Variants in TENM2 observed in about 807,000 individuals in gnomAD.
TENM2 encodes the protein teneurin-2.
Under a neutral mutation model 245.2 loss-of-function variants are expected in TENM2, and 52 were observed. The ratio of observed to expected loss-of-function variants is 0.21; its 90% CI spans 0.17 to 0.27. TENM2 has a LOEUF of 0.27. TENM2 is among the 10% of genes least tolerant of loss of function. TENM2 has a pLI of 1.00. For missense variants in TENM2, 3,046 were observed against 3,666.8 expected, an observed-to-expected ratio of 0.83 and a Z score of 4.37; for synonymous variants, 1,363 against 1,438.9, an observed-to-expected ratio of 0.95 and a Z score of 1.19.
chr5:167,151,726 C>T, the TENM2 span, among the ~76,000 whole-genome samples: 3 of 152,150 alleles, frequency 2.0e-5, no homozygotes, highest in Non-Finnish European at 4.4e-5. Flanking sequence ...ACCATGTTGG[C>T]CACGACGGTC....
chr5:168,145,035 C>T (rs1477473306), intron 12 of TENM2, among the ~76,000 whole-genome samples: 14 of 151,668 alleles, frequency 9.2e-5, no homozygotes, highest in African/African-American at 2.4e-4. Context: ...TTGTTTGTTT[C>T]TTTCTTGTAA....
At chr5:167,956,668 GT>G (rs1417514452) in intron 4 of TENM2, among the ~76,000 whole-genome samples, 1 of 152,288 alleles carries the variant, frequency 6.6e-6, no homozygotes, top group African/African-American at 2.4e-5. Context: ...TTTATTGAGA[GT>G]TTTTAGCATG....
chr5:168,081,667 T>C (rs923153683), intron 7 of TENM2, among the ~76,000 whole-genome samples: 1 of 152,198 alleles, frequency 6.6e-6, no homozygotes, highest in Non-Finnish European at 1.5e-5. Flanking sequence ...CTGTAAAGGA[T>C]TTTATTTCTT....
At chr5:168,224,490 T>C (rs1389858509) in intron 23 of TENM2, among the ~76,000 whole-genome samples, 1 of 152,208 alleles carries the variant, frequency 6.6e-6, no homozygotes, top group Non-Finnish European at 1.5e-5. Flanking sequence ...CTGAGCCAGG[T>C]CTGCAATTCT....
chr5:167,640,842 C>CATATATATATATATATCCATATATATAT (rs548184593), intron 2 of TENM2, among the ~76,000 whole-genome samples: 1 of 75,488 alleles, frequency 1.3e-5, no homozygotes, highest in African/African-American at 3.9e-5. Flanking sequence ...TATATATATC[C>CATATATATATATATATCCATATATATAT]ATATATATAT....
intron 2 of TENM2, among the ~76,000 whole-genome samples, chr5:167,557,350 A>AT (rs767464255): frequency 2.0e-5 from 3 of 152,220 alleles, no homozygotes; most frequent in Non-Finnish European, 4.4e-5. Context: ...AAAGCAAAAA[A>AT]GCTAAGAGCA....
intron 13 of TENM2, among the ~76,000 whole-genome samples, chr5:168,180,447 C>A (rs770047738): frequency 1.1e-4 from 17 of 152,196 alleles, no homozygotes; most frequent in African/African-American, 3.4e-4. Flanking sequence ...TCAGGGAATG[C>A]GTATTAACAT....
intron 23 of TENM2, among the ~76,000 whole-genome samples, chr5:168,222,182 T>C (rs540399135): frequency 2.6e-5 from 4 of 152,236 alleles, no homozygotes; most frequent in Non-Finnish European, 5.9e-5. Flanking sequence ...AATTGAAGAA[T>C]GCAGCTTGCA....
chr5:167,353,732 C>T (rs1759128355), intron 1 of TENM2, among the ~76,000 whole-genome samples: 1 of 151,724 alleles, frequency 6.6e-6, no homozygotes, highest in African/African-American at 2.4e-5. Flanking sequence ...TGGTCTCGAT[C>T]TCCTGACCTC....
chr5:168,099,537 A>G (rs922238903), intron 9 of TENM2, among the ~76,000 whole-genome samples: 2 of 152,134 alleles, frequency 1.3e-5, no homozygotes, highest in Admixed American at 6.6e-5. Flanking sequence ...AATTATGCAT[A>G]CGATTTTATT....
intron 13 of TENM2, among the ~76,000 whole-genome samples, chr5:168,177,411 A>G (rs1759455906): frequency 6.6e-6 from 1 of 152,252 alleles, no homozygotes; most frequent in Admixed American, 6.5e-5. Context: ...AGGTAAAGTA[A>G]CTAGCCCAAG....
chr5:167,759,078 C>A (rs1282910060), intron 2 of TENM2, among the ~76,000 whole-genome samples: 1 of 149,756 alleles, frequency 6.7e-6, no homozygotes, highest in Non-Finnish European at 1.5e-5. Flanking sequence ...ATCTTGGGTT[C>A]AAATCCCAGT....
rs577490199 is a variant in TENM2, at chr5:167,794,074, A to G, written c.503-81912A>G. Among the ~76,000 whole-genome samples the G allele has an allele frequency of 6.6e-5, 10 of 152,066 alleles. No homozygotes were observed. In the South Asian group the frequency reaches 1.9e-3, roughly 28 times the overall value. ...CTTAGGGCTCCTTTCCCCAACAATT[A>G]TTATTCCTGAATATTTAAATTCTAT... On this transcript the variant is annotated intron_variant, in intron 2 of 28. Transcript: ENST00000518659.
intron 2 of TENM2, among the ~76,000 whole-genome samples, chr5:167,669,593 C>A (rs1286845284): frequency 6.6e-6 from 1 of 152,022 alleles, no homozygotes; most frequent in Non-Finnish European, 1.5e-5. Context: ...GATATCCCCC[C>A]CTTGGCTCCT....
chr5:167,239,218 C>A, the TENM2 span, among the ~76,000 whole-genome samples: 3 of 152,156 alleles, frequency 2.0e-5, no homozygotes, highest in South Asian at 6.2e-4. Flanking sequence ...AGACACTTTT[C>A]ATTTAGTTCC....
At chr5:167,386,335 T>G (rs1382617609) in intron 2 of TENM2, among the ~76,000 whole-genome samples, 1 of 152,206 alleles carries the variant, frequency 6.6e-6, no homozygotes, top group Non-Finnish European at 1.5e-5. Flanking sequence ...AATCTATTCT[T>G]GTCCTTAGCT....
the TENM2 span, among the ~76,000 whole-genome samples, chr5:167,029,672 A>G: frequency 6.6e-6 from 1 of 152,182 alleles, no homozygotes; most frequent in Non-Finnish European, 1.5e-5. Context: ...GTTGCCAGGG[A>G]CAACAGATGT....
chr5:167,056,543 ATATATAAATATATATC>A, the TENM2 span, among the ~76,000 whole-genome samples: 4 of 146,314 alleles, frequency 2.7e-5, no homozygotes, highest in African/African-American at 9.9e-5. Flanking sequence ...TATCTATAAA[ATATATAAATATATATC>A]TATATAAATA....
intron 1 of TENM2, chr5:167,287,206 A>T (rs940494138): frequency 6.6e-6 from 1 of 152,260 alleles, no homozygotes. Context: ...CACATATTTA[A>T]GGAGAGGAGG....
Sources: allele counts gnomAD v4.1 joint callset (sites outside exome capture counted in the v4.1 genomes callset), GRCh38; gene constraint gnomAD v4.1.1; transcripts MANE v1.5; gene names NCBI Gene and HGNC (gene_info 2026-07-23, HGNC 2026-07-21).